Variants in DCUN1D3 observed in about 807,000 individuals in gnomAD.
DCUN1D3 encodes the protein defective in cullin neddylation 1 domain containing 3.
DCUN1D3 carries 6 observed loss-of-function variants against 24.8 expected under a neutral mutation model. The ratio of observed to expected loss-of-function variants is 0.24; its 90% CI spans 0.13 to 0.48. DCUN1D3 has a LOEUF of 0.48. Ranked by LOEUF, DCUN1D3 falls within the 20% of genes least tolerant of loss-of-function variation. The pLI is 0.99. For synonymous variants in DCUN1D3, 120 were observed against 144.9 expected (o/e 0.83, Z 1.24); for missense variants, 258 against 379.4 (o/e 0.68, Z 2.66).
At chr16:20,865,746 A>C (rs1245606710) in intron 1 of DCUN1D3, among the ~76,000 whole-genome samples, 1 of 152,232 alleles carries the variant, frequency 6.6e-6, no homozygotes, top group Non-Finnish European at 1.5e-5. Context: ...CTGGAGCTTT[A>C]AACTTTGCCT....
chr16:20,894,505 G>A (rs972145895), intron 1 of DCUN1D3, among the ~76,000 whole-genome samples: 6 of 152,178 alleles, frequency 3.9e-5, no homozygotes, highest in Non-Finnish European at 5.9e-5. Flanking sequence ...CAGGTCCTGC[G>A]GTTGAGCCCT....
Position 20,857,059 on chromosome 16 carries a change from CTT to C in DCUN1D3, c.*2825_*2826del, listed in dbSNP as rs1054595627. On this transcript the variant is annotated 3_prime_UTR_variant, in exon 3 of 3. Coordinates refer to ENST00000324344, the MANE Select transcript of DCUN1D3 (RefSeq NM_173475.4). ...TATTTCTAGGTTGAAAGGAACAAGA[CTT>C]TTCACTTCCCAGAAGTATAACTTCA... is the stretch of plus-strand genomic sequence containing the variant. The C allele has an allele frequency of 7.9e-5, 12 of 152,202 alleles. No individual in the cohort carries two copies. Among genetic ancestry groups the C allele is most frequent in the African/African-American group, 2.9e-4 (12 of 41,448 alleles). 9.4% of individuals were successfully genotyped at this position (152,202 alleles called of 1,614,324 possible).
rs1424277245 is a variant in DCUN1D3 at position 20,860,466 on chromosome 16, G to C, written c.432-97C>G. 3.0e-6 allele frequency: 4 copies of C among 1,317,884 alleles called. No homozygotes were observed. The highest frequency in any genetic ancestry group is 1.5e-5 in the African/African-American group (1 of 67,400). 81.6% of individuals were successfully genotyped at this position (1,317,884 alleles called of 1,614,324 possible). ...AAGAGCAAGGCTTTCAGGCCAGATG[G>C]TCTGAATTTGAATTCTAACTCCTCC... is the stretch of plus-strand genomic sequence containing the variant. On this transcript the variant is annotated intron_variant, in intron 2 of 2. Coordinates refer to ENST00000324344, the MANE Select transcript of DCUN1D3 (RefSeq NM_173475.4). The surrounding 1 kb of genome is among the most constrained non-coding windows in gnomAD (Gnocchi z 4.3).
intron 1 of DCUN1D3, among the ~76,000 whole-genome samples, chr16:20,863,928 AC>A (rs1264471639): frequency 6.6e-6 from 1 of 152,208 alleles, no homozygotes; most frequent in African/African-American, 2.4e-5. Flanking sequence ...TATGCAGAAG[AC>A]TGAGGCTGGA....
chr16:20,869,676 A>C (rs557570665), intron 1 of DCUN1D3, among the ~76,000 whole-genome samples: 1 of 152,348 alleles, frequency 6.6e-6, no homozygotes, highest in East Asian at 1.9e-4. Context: ...TATATTAATA[A>C]CAATATTGTA....
At position 20,859,695 on chromosome 16, in the gene DCUN1D3, C is replaced by A. The variant is rs2081720773; in HGVS notation, c.*191G>T. 1 of 734,390 alleles carries A rather than the reference C, an allele frequency of 1.4e-6. No homozygotes were observed. The highest frequency in any genetic ancestry group is 2.0e-6 in the Non-Finnish European group (1 of 497,726). The allele number at this position is 734,390 out of a possible 1,614,324, so 45.5% of individuals were successfully genotyped here. A position where few individuals can be genotyped will look rare whatever the true frequency, so the allele number is the denominator to read the frequency against. ...GAGATCCCCCCAAAAAGGAAATAAC[C>A]AAAATAACCAAAAAAATGAAGAAAG... On this transcript the variant is annotated 3_prime_UTR_variant, in exon 3 of 3. Transcript: ENST00000324344.
At chr16:20,886,781 T>G (rs943894021) in intron 1 of DCUN1D3, among the ~76,000 whole-genome samples, 9 of 152,240 alleles carry the variant, frequency 5.9e-5, no homozygotes, top group African/African-American at 2.2e-4. Flanking sequence ...TGCTTCTGCT[T>G]TCTTCAGCCC....
At chr16:20,897,369 C>T (rs2081920708) in intron 1 of DCUN1D3, among the ~76,000 whole-genome samples, 1 of 152,172 alleles carries the variant, frequency 6.6e-6, no homozygotes, top group African/African-American at 2.4e-5. Flanking sequence ...GGTTACATCC[C>T]TTGGTTACGT....
intron 1 of DCUN1D3, among the ~76,000 whole-genome samples, chr16:20,889,706 G>A (rs991179052): frequency 1.3e-5 from 2 of 152,180 alleles, no homozygotes; most frequent in Non-Finnish European, 2.9e-5. Context: ...CCTGGTTCCT[G>A]CCAGAGATCC....
chr16:20,897,396 C>T (rs1243439004), intron 1 of DCUN1D3, among the ~76,000 whole-genome samples: 3 of 152,128 alleles, frequency 2.0e-5, no homozygotes, highest in Non-Finnish European at 2.9e-5. Context: ...CCAAAGATGC[C>T]GACACAGTGG....
At chr16:20,896,957 G>C (rs1456317681) in intron 1 of DCUN1D3, among the ~76,000 whole-genome samples, 1 of 152,158 alleles carries the variant, frequency 6.6e-6, no homozygotes, top group Non-Finnish European at 1.5e-5. Flanking sequence ...GAACTGCCCA[G>C]AAAGCTCTGT....
intron 1 of DCUN1D3, chr16:20,896,247 C>A (rs896103568): frequency 6.6e-6 from 1 of 152,248 alleles, no homozygotes; most frequent in East Asian, 1.9e-4. Flanking sequence ...CATCTGTACA[C>A]CAAAACAGTA....
At chr16:20,866,087 TACAGCTA>T (rs1294852779) in intron 1 of DCUN1D3, among the ~76,000 whole-genome samples, 1 of 152,200 alleles carries the variant, frequency 6.6e-6, no homozygotes, top group African/African-American at 2.4e-5. Context: ...GCTTTAAGAC[TACAGCTA>T]GTAAGCCATA....
At chr16:20,867,464 C>T (rs1471525380) in intron 1 of DCUN1D3, among the ~76,000 whole-genome samples, 1 of 152,192 alleles carries the variant, frequency 6.6e-6, no homozygotes, top group Non-Finnish European at 1.5e-5. Context: ...ATGCCCTAAA[C>T]GTGTGACGTT....
chr16:20,897,681 C>G (rs2081922324), intron 1 of DCUN1D3, among the ~76,000 whole-genome samples: 1 of 152,172 alleles, frequency 6.6e-6, no homozygotes, highest in Non-Finnish European at 1.5e-5. Flanking sequence ...AGAACACATT[C>G]AGAGAACTTA....
At chr16:20,892,867 T>G (rs2081898445) in intron 1 of DCUN1D3, among the ~76,000 whole-genome samples, 1 of 152,152 alleles carries the variant, frequency 6.6e-6, no homozygotes, top group Admixed American at 6.5e-5. Context: ...CTATCAAGTA[T>G]CCACAACCAC....
rs1596625228 is a variant in DCUN1D3 at position 20,856,074 on chromosome 16, T to A, written c.*3812A>T. On this transcript the variant is annotated 3_prime_UTR_variant, in exon 3 of 3. Coordinates refer to ENST00000324344, the MANE Select transcript of DCUN1D3 (RefSeq NM_173475.4). ...AGCTTTCTTCTACGCCTTAACCTTA[T>A]AATTGCATAACTGAGTCTACACCTT... 1 of 152,132 alleles carries A rather than the reference T, an allele frequency of 6.6e-6. No individual in the cohort carries two copies. The highest frequency in any genetic ancestry group is 2.4e-5 in the African/African-American group (1 of 41,414). 9.4% of individuals were successfully genotyped at this position (152,132 alleles called of 1,614,324 possible).
chr16:20,863,268 A>G (rs191374518), intron 1 of DCUN1D3, among the ~76,000 whole-genome samples: 1 of 152,196 alleles, frequency 6.6e-6, no homozygotes, highest in African/African-American at 2.4e-5. Flanking sequence ...TACTCCATCC[A>G]CCTATAGAAA....
At position 20,857,371 on chromosome 16, in the gene DCUN1D3, C is replaced by T. The variant is rs2081707402; in HGVS notation, c.*2515G>A. ...TTTAAAAAACAACAAAATACATCCACTCTAGTACATCTAATGCACGGAATG... is the reference window on the plus strand; with the variant it reads ...TTTAAAAAACAACAAAATACATCCATTCTAGTACATCTAATGCACGGAATG... On this transcript the variant is annotated 3_prime_UTR_variant, in exon 3 of 3. Transcript: ENST00000324344. 1 of 152,220 alleles carries T rather than the reference C, an allele frequency of 6.6e-6. No homozygotes were observed. Among genetic ancestry groups the T allele is most frequent in the South Asian group, 2.1e-4 (1 of 4,828 alleles). 9.4% of individuals were successfully genotyped at this position (152,220 alleles called of 1,614,324 possible).
Sources: allele counts gnomAD v4.1 joint callset (sites outside exome capture counted in the v4.1 genomes callset), GRCh38; gene constraint gnomAD v4.1.1; non-coding constraint Gnocchi (gnomAD v3.1); transcripts MANE v1.5; gene names NCBI Gene and HGNC (gene_info 2026-07-23, HGNC 2026-07-21).